IL3RA: variants seen among roughly 807,000 people sequenced by gnomAD.
The protein encoded by IL3RA is interleukin-3 receptor subunit alpha.
IL3RA carries 73 observed loss-of-function variants against 52.3 expected under a neutral mutation model. The observed-to-expected ratio is 1.40, with a 90% CI of 1.16 to 1.70. The LOEUF (loss-of-function observed/expected upper bound fraction) is 1.70, where lower values mean the gene tolerates loss of function less well. IL3RA is among the 40% of genes most tolerant of loss of function. The probability of loss-of-function intolerance (pLI) is 0.00; values close to 1 mark genes in which losing one functional copy is unlikely to be tolerated. For missense variants in IL3RA, 664 were observed against 504.4 expected (o/e 1.32, Z -3.03); for synonymous variants, 260 against 194.0 (o/e 1.34, Z -2.83).
intron 9 of IL3RA, among the ~76,000 whole-genome samples, chrX:1,366,636 C>A (rs1395412692): frequency 7.4e-4 from 11 of 14,838 alleles, no homozygotes; most frequent in African/African-American, 1.2e-3. Flanking sequence ...GAGCCGGGTG[C>A]GCGGGGTGAG....
At chrX:1,365,285 CGGGGT>C in intron 9 of IL3RA, 33 bp downstream of exon 9, 1 of 1,184,538 alleles carries the variant, frequency 8.4e-7, no homozygotes, top group Non-Finnish European at 1.1e-6. Context: ...GCGGGGTGAG[CGGGGT>C]GAGCGGGGTG....
chrX:1,348,046 A>G (rs1299397001), intron 3 of IL3RA, among the ~76,000 whole-genome samples: 2 of 131,672 alleles, frequency 1.5e-5, no homozygotes, highest in African/African-American at 5.8e-5. Context: ...CAAAAAAAAA[A>G]AAAACAGAAA....
At chrX:1,362,620 C>G (rs2087540735) in intron 8 of IL3RA, among the ~76,000 whole-genome samples, 1 of 152,074 alleles carries the variant, frequency 6.6e-6, no homozygotes, top group Admixed American at 6.6e-5. Context: ...TCTCCGTCCT[C>G]CTGTATTAGT....
rs201138289 is a variant in IL3RA, at chrX:1,352,357, C to T, written c.467C>T (p.Thr156Met). ...CAGTACGAGTGTCTTCACTACAAAA[C>T]GGATGCTCAGGGAACACGTATCGGG... ...RQQYECLHYK[T>M]DAQGTRIGCR... Residue 156 changes from threonine (T) to methionine (M), a missense_variant, in exon 6 of 12, where the codon ACG (threonine) becomes ATG (methionine). Transcript: ENST00000331035. 8 of 1,613,866 alleles carry T rather than the reference C, an allele frequency of 5.0e-6. No homozygotes were observed. The highest frequency in any genetic ancestry group is 1.7e-4 in the Middle Eastern group (1 of 6,056).
chrX:1,348,600 C>G (rs1369498251), intron 4 of IL3RA, 55 bp downstream of exon 4: 4 of 1,215,882 alleles, frequency 3.3e-6, no homozygotes, highest in South Asian at 2.4e-5. Flanking sequence ...CCTTCCCTCT[C>G]TCCCTCCCTC....
rs1188842571 is a variant in IL3RA at position 1,347,204 on chromosome X, T to TG, written c.184-1225dup. ...GCTCACGCCTGTCATCCCAGCACTT[T>TG]GGAGGCCGAGGCGGGTGGATCACGA... On this transcript the variant is annotated intron_variant, in intron 3 of 11. Transcript: ENST00000331035. Among the ~76,000 whole-genome samples, 34 of 149,574 alleles carry TG rather than the reference T, an allele frequency of 2.3e-4. 2 individuals carry two copies. Among genetic ancestry groups the TG allele is most frequent in the African/African-American group, 5.7e-4 (23 of 40,100 alleles).
At chrX:1,364,993 G>A in intron 8 of IL3RA, 145 bp from the exon 9 acceptor site, 2 of 558,192 alleles carry the variant, frequency 3.6e-6, no homozygotes, top group Middle Eastern at 3.7e-4. Context: ...ATTTTTAGTA[G>A]AGACAGGGTT....
At chrX:1,359,360 G>A (rs1569524237) in intron 8 of IL3RA, among the ~76,000 whole-genome samples, 1 of 152,096 alleles carries the variant, frequency 6.6e-6, no homozygotes, top group Non-Finnish European at 1.5e-5. Flanking sequence ...CCCTGCCTGG[G>A]ATCTGCAGGA....
rs747341087 is a variant in IL3RA at position 1,358,906 on chromosome X, C to T, written c.759+19C>T. The T allele has an allele frequency of 1.9e-6, 3 of 1,608,462 alleles. No homozygotes were observed. The highest frequency in any genetic ancestry group is 8.5e-7 in the Non-Finnish European group (1 of 1,176,864). The stretch of plus-strand genomic sequence containing the variant: ...AGAACAGGTGAGTGTTCCCTACCCC[C>T]AGCCGCTGTACTTGACATTGCAAAG... On this transcript the variant is annotated intron_variant, in intron 8 of 11. Coordinates refer to ENST00000331035, the MANE Select transcript of IL3RA (RefSeq NM_002183.4).
At chrX:1,349,352 T>C (rs2085975274) in intron 4 of IL3RA, among the ~76,000 whole-genome samples, 1 of 151,796 alleles carries the variant, frequency 6.6e-6, no homozygotes, top group Non-Finnish European at 1.5e-5. Context: ...CAGCTAATTC[T>C]TGTATTTTTA....
intron 8 of IL3RA, among the ~76,000 whole-genome samples, chrX:1,363,899 TTGGC>T (rs1262877310): frequency 6.6e-6 from 1 of 151,666 alleles, no homozygotes; most frequent in East Asian, 2.0e-4. Context: ...AAAAAAAAAT[TTGGC>T]TGGGCGCGGT....
chrX:1,344,409 G>A (rs1308085085), intron 2 of IL3RA, among the ~76,000 whole-genome samples: 1 of 151,870 alleles, frequency 6.6e-6, no homozygotes, highest in African/African-American at 2.4e-5. Flanking sequence ...ATTCCAGCCT[G>A]GGCGACAGAG....
intron 3 of IL3RA, among the ~76,000 whole-genome samples, chrX:1,346,218 C>G (rs1204340666): frequency 6.6e-6 from 1 of 151,906 alleles, no homozygotes; most frequent in Non-Finnish European, 1.5e-5. Context: ...GCGGATGGAT[C>G]ACCTGGGGCC....
At chrX:1,367,817 C>T (rs1375271054) in intron 9 of IL3RA, among the ~76,000 whole-genome samples, 6 of 148,452 alleles carry the variant, frequency 4.0e-5, no homozygotes, top group Non-Finnish European at 7.4e-5. Flanking sequence ...GCGGGGTGCG[C>T]GGGGTGAGCG....
At chrX:1,348,111 CT>C (rs2085849219) in intron 3 of IL3RA, among the ~76,000 whole-genome samples, 1 of 149,830 alleles carries the variant, frequency 6.7e-6, no homozygotes, top group Non-Finnish European at 1.5e-5. Context: ...CTTTGGGAGG[CT>C]GAGGCAGGCG....
chrX:1,364,950 A>G (rs1276992425), intron 8 of IL3RA, among the ~76,000 whole-genome samples, 188 bp from the exon 9 acceptor site: 2 of 151,984 alleles, frequency 1.3e-5, no homozygotes, highest in Admixed American at 6.6e-5. Context: ...CTGGGATTAC[A>G]GGTGCCTGCC....
chrX:1,343,467 C>G (rs1243826754), intron 2 of IL3RA, among the ~76,000 whole-genome samples: 1 of 151,222 alleles, frequency 6.6e-6, no homozygotes, highest in African/African-American at 2.4e-5. Flanking sequence ...GAGTTCAAAA[C>G]CAGCTTGGCC....
At chrX:1,381,601 G>A (rs1399669364) in intron 11 of IL3RA, among the ~76,000 whole-genome samples, 4 of 150,868 alleles carry the variant, frequency 2.7e-5, no homozygotes, top group Admixed American at 6.6e-5. Context: ...GCAATGGTGC[G>A]ATCTTGGCTC....
At chrX:1,356,189 C>A in intron 6 of IL3RA, 32 bp from the exon 7 acceptor site, 1 of 1,087,220 alleles carries the variant, frequency 9.2e-7, no homozygotes, top group South Asian at 1.5e-5. Flanking sequence ...TCTTGTACTC[C>A]TAAATCCTAA....
Sources: gnomAD v4.1 joint callset for allele counts (sites outside exome capture counted in the v4.1 genomes callset) on GRCh38, gnomAD v4.1.1 for gene constraint, MANE v1.5 for transcripts, NCBI Gene and HGNC (gene_info 2026-07-23, HGNC 2026-07-21) for gene names.